PLPP1: variants seen among roughly 807,000 people sequenced by gnomAD.
PLPP1 encodes lipid phosphate phosphohydrolase 1a.
A neutral mutation model predicts 31.2 loss-of-function variants in PLPP1; 24 were observed. That is an observed-to-expected ratio of 0.77 (90% CI 0.56 to 1.08). The LOEUF is 1.08. Ranked by LOEUF, PLPP1 falls within the 50% of genes least tolerant of loss-of-function variation. The pLI is 0.00. For synonymous variants in PLPP1, 146 were observed against 126.3 expected (o/e 1.16, Z -1.05); for missense variants, 319 against 342.7 (o/e 0.93, Z 0.55).
At chr5:55,531,667 T>C (rs1006894636) in intron 1 of PLPP1, among the ~76,000 whole-genome samples, 3 of 152,248 alleles carry the variant, frequency 2.0e-5, no homozygotes, top group African/African-American at 7.2e-5. Flanking sequence ...ACCATGATTT[T>C]AGGCTACCAA....
intron 1 of PLPP1, chr5:55,530,647 A>G: frequency 6.3e-7 from 1 of 1,595,706 alleles, no homozygotes. Flanking sequence ...CAGCTACCAG[A>G]AAACTTCCTC....
chr5:55,530,818 A>G (rs1740636149), intron 1 of PLPP1: 9 of 1,342,014 alleles, frequency 6.7e-6, no homozygotes, highest in South Asian at 3.6e-5. Context: ...GGGCGTTTTG[A>G]GCACCTCCTG....
At chr5:55,519,350 T>C (rs1053763788) in intron 1 of PLPP1, among the ~76,000 whole-genome samples, 6 of 152,142 alleles carry the variant, frequency 3.9e-5, no homozygotes, top group African/African-American at 9.7e-5. Flanking sequence ...CTTTGAAAAA[T>C]AGTAAAATAC....
intron 2 of PLPP1, among the ~76,000 whole-genome samples, chr5:55,473,640 A>T (rs1181520075): frequency 1.3e-5 from 2 of 148,594 alleles, no homozygotes; most frequent in South Asian, 4.3e-4. Context: ...TTTTTTAATT[A>T]AAAAAAAAAA....
At chr5:55,527,070 T>A (rs1740477812) in intron 1 of PLPP1, among the ~76,000 whole-genome samples, 1 of 151,928 alleles carries the variant, frequency 6.6e-6, no homozygotes, top group South Asian at 2.1e-4. Flanking sequence ...TTAACAAATG[T>A]GTACTGAATA....
At chr5:55,516,133 C>T (rs1477811478) in intron 1 of PLPP1, among the ~76,000 whole-genome samples, 1 of 152,156 alleles carries the variant, frequency 6.6e-6, no homozygotes, top group African/African-American at 2.4e-5. Flanking sequence ...CTCTCTCCTA[C>T]CCTACACCTT....
chr5:55,458,162 T>C (rs1213051889), intron 3 of PLPP1, among the ~76,000 whole-genome samples: 1 of 152,208 alleles, frequency 6.6e-6, no homozygotes, highest in East Asian at 1.9e-4. Context: ...ATCCTTACTG[T>C]GCTTCAAGTT....
intron 1 of PLPP1, among the ~76,000 whole-genome samples, chr5:55,513,929 T>C (rs886448183): frequency 6.6e-6 from 1 of 152,098 alleles, no homozygotes; most frequent in Non-Finnish European, 1.5e-5. Context: ...AGGGTGGGGA[T>C]TGAGAGCACA....
chr5:55,452,719 G>GAGC (rs1239439044), intron 3 of PLPP1, among the ~76,000 whole-genome samples: 1 of 152,084 alleles, frequency 6.6e-6, no homozygotes, highest in African/African-American at 2.4e-5. Context: ...TTTCTCTGAA[G>GAGC]AGCACTCAAT....
intron 3 of PLPP1, among the ~76,000 whole-genome samples, chr5:55,461,383 A>C (rs146413756): frequency 6.6e-6 from 1 of 152,268 alleles, no homozygotes; most frequent in African/African-American, 2.4e-5. Flanking sequence ...AAATATTAGC[A>C]AACCAAATCC....
At chr5:55,463,663 G>A (rs1752218863) in intron 3 of PLPP1, among the ~76,000 whole-genome samples, 1 of 151,728 alleles carries the variant, frequency 6.6e-6, no homozygotes, top group African/African-American at 2.4e-5. Context: ...AAAGTTGATT[G>A]GGCATGGTGG....
intron 1 of PLPP1, among the ~76,000 whole-genome samples, chr5:55,514,389 CAAA>C (rs34915896): frequency 2.1e-5 from 3 of 143,458 alleles, no homozygotes; most frequent in Non-Finnish European, 3.0e-5. Flanking sequence ...GACCTGGTCT[CAAA>C]AAAAAAAAAA....
At chr5:55,437,214 G>T (rs1751512372) in intron 4 of PLPP1, among the ~76,000 whole-genome samples, 1 of 152,128 alleles carries the variant, frequency 6.6e-6, no homozygotes, top group African/African-American at 2.4e-5. Flanking sequence ...TTCCATTAAA[G>T]GATCTAATTA....
At chr5:55,467,407 T>C (rs1353742881) in intron 3 of PLPP1, among the ~76,000 whole-genome samples, 1 of 152,000 alleles carries the variant, frequency 6.6e-6, no homozygotes, top group Non-Finnish European at 1.5e-5. Context: ...TACTATTGGC[T>C]GGGTGTGGTG....
chr5:55,530,712 A>C, intron 1 of PLPP1: 1 of 1,575,298 alleles, frequency 6.3e-7, no homozygotes, highest in Non-Finnish European at 8.7e-7. Flanking sequence ...TTCTAGTCAC[A>C]TTTCCACGAC....
intron 1 of PLPP1, among the ~76,000 whole-genome samples, chr5:55,517,321 G>A (rs527587347): frequency 9.2e-5 from 14 of 152,156 alleles, no homozygotes; most frequent in African/African-American, 3.4e-4. Context: ...AGTTAGCTGG[G>A]GACTACAGGC....
At position 55,458,713 on chromosome 5, in the gene PLPP1, C is replaced by T. The variant is rs371773648; in HGVS notation, c.491+9156G>A. 1.3e-3 allele frequency among the ~76,000 whole-genome samples: 203 copies of T among 151,610 alleles called. 2 individuals carry two copies. In the Middle Eastern group the frequency reaches 0.024, roughly 18 times the overall value. Reference sequence around the variant, plus strand: ...GACCACACTGTCCAACATGGTGAAACCCCATCTCTACTAAAAATGCAAAAA... The same window carrying T: ...GACCACACTGTCCAACATGGTGAAATCCCATCTCTACTAAAAATGCAAAAA... On this transcript the variant is annotated intron_variant, in intron 3 of 5. Coordinates refer to ENST00000307259, the MANE Select transcript of PLPP1 (RefSeq NM_003711.4).
intron 1 of PLPP1, among the ~76,000 whole-genome samples, chr5:55,499,688 AAAAT>A (rs1753092650): frequency 6.6e-6 from 1 of 151,296 alleles, no homozygotes; most frequent in African/African-American, 2.4e-5. Flanking sequence ...ACTCAAAAAA[AAAAT>A]AAATAAATAG....
intron 1 of PLPP1, among the ~76,000 whole-genome samples, chr5:55,524,534 G>A (rs1053887751): frequency 5.9e-5 from 9 of 152,182 alleles, no homozygotes; most frequent in Admixed American, 1.3e-4. Flanking sequence ...TATTGGGCCA[G>A]GTGCAGTGGC....
Sources: allele counts gnomAD v4.1 joint callset (sites outside exome capture counted in the v4.1 genomes callset), GRCh38; gene constraint gnomAD v4.1.1; transcripts MANE v1.5; gene names NCBI Gene and HGNC (gene_info 2026-07-23, HGNC 2026-07-21).